The following SEC23A variants were observed in gnomAD, a reference collection of about 807,000 sequenced individuals.
The protein encoded by SEC23A is protein transport protein Sec23A.
In SEC23A, 56 loss-of-function variants were observed where a neutral mutation model predicts 103.7. The ratio of observed to expected loss-of-function variants is 0.54; its 90% CI spans 0.44 to 0.67. SEC23A has a LOEUF of 0.67. SEC23A is among the 30% of genes least tolerant of loss of function. SEC23A has a pLI of 0.00. For synonymous variants in SEC23A, 281 were observed against 293.0 expected, an observed-to-expected ratio of 0.96 and a Z score of 0.42; for missense variants, 784 against 936.4, an observed-to-expected ratio of 0.84 and a Z score of 2.12.
intron 2 of SEC23A, among the ~76,000 whole-genome samples, chr14:39,094,419 TATATATATATATATATATATATA>T (rs1887801323): frequency 1.6e-5 from 1 of 61,180 alleles, no homozygotes; most frequent in Non-Finnish European, 2.6e-5. Flanking sequence ...TATATATATA[TATATATATATATATATATATATA>T]TTTTTTTTTT....
In SEC23A at chr14:39,085,697, C is replaced by T. The variant is rs1395110456; in HGVS notation, c.828+65G>A. 65 of 1,055,444 alleles carry T rather than the reference C, an allele frequency of 6.2e-5. 1 individual carries two copies. The highest frequency in any genetic ancestry group is 7.6e-5 in the Non-Finnish European group (58 of 763,370). The allele number at this position is 1,055,444 out of a possible 1,614,324, so 65.4% of individuals were successfully genotyped here. A position where few individuals can be genotyped will look rare whatever the true frequency, so the allele number is the denominator to read the frequency against. The stretch of plus-strand genomic sequence containing the variant: ...ATCCTTATAATTATATATACACACA[C>T]ACACACACACACACACACACACACA... On this transcript the variant is annotated intron_variant, in intron 7 of 19. Transcript: ENST00000307712.
At position 39,064,902 on chromosome 14, in the gene SEC23A, A is replaced by G. The variant is rs922089317; in HGVS notation, c.1308+11T>C. On this transcript the variant is annotated intron_variant, in intron 11 of 19. Transcript: ENST00000307712. Reference sequence around the variant, plus strand: ...GTCCTGTATTTTCTTTTTAGAATAAACACAACTTACATTTTCAGACACACA... The same window carrying G: ...GTCCTGTATTTTCTTTTTAGAATAAGCACAACTTACATTTTCAGACACACA... The G allele has an allele frequency of 1.3e-6, 2 of 1,590,096 alleles. No individual in the cohort carries two copies. Among genetic ancestry groups the G allele is most frequent in the Admixed American group, 1.7e-5 (1 of 59,954 alleles).
chr14:39,062,669 GTTGTT>G (rs974241742), intron 12 of SEC23A, among the ~76,000 whole-genome samples: 6 of 151,856 alleles, frequency 4.0e-5, no homozygotes, highest in African/African-American at 1.5e-4. Flanking sequence ...GTTTTTGTGT[GTTGTT>G]TTGTTTTTGT....
chr14:39,096,639 A>ATC (rs762408282), intron 1 of SEC23A, among the ~76,000 whole-genome samples: 3 of 152,230 alleles, frequency 2.0e-5, no homozygotes, highest in African/African-American at 4.8e-5. Context: ...ACAAGGCCCA[A>ATC]TAAGAGGTAT....
At chr14:39,049,431 G>A (rs555310424) in intron 14 of SEC23A, among the ~76,000 whole-genome samples, 12 of 151,400 alleles carry the variant, frequency 7.9e-5, no homozygotes, top group South Asian at 4.2e-4. Context: ...AGCTGAGATC[G>A]TGCCACTGGA....
intron 7 of SEC23A, among the ~76,000 whole-genome samples, chr14:39,085,462 G>T (rs1594476573): frequency 6.6e-6 from 1 of 152,260 alleles, no homozygotes; most frequent in East Asian, 1.9e-4. Flanking sequence ...GCACTTAAGT[G>T]GGGGCAGTCT....
At chr14:39,074,162 T>A (rs938304298) in intron 9 of SEC23A, among the ~76,000 whole-genome samples, 1 of 152,206 alleles carries the variant, frequency 6.6e-6, no homozygotes, top group Non-Finnish European at 1.5e-5. Context: ...GCTGTTGAAG[T>A]AATAAATCAA....
At chr14:39,045,913 AC>A (rs1885817521) in intron 15 of SEC23A, among the ~76,000 whole-genome samples, 1 of 15,110 alleles carries the variant, frequency 6.6e-5, no homozygotes, top group African/African-American at 2.9e-4. Flanking sequence ...CTACATCCCC[AC>A]CCACCCACAT....
At chr14:39,060,379 T>C (rs754735575) in intron 13 of SEC23A, among the ~76,000 whole-genome samples, 1 of 152,188 alleles carries the variant, frequency 6.6e-6, no homozygotes. Flanking sequence ...GTTGTGTTCA[T>C]GTCCATCACT....
At chr14:39,085,239 A>C (rs1314573968) in intron 7 of SEC23A, among the ~76,000 whole-genome samples, 1 of 152,172 alleles carries the variant, frequency 6.6e-6, no homozygotes, top group African/African-American at 2.4e-5. Context: ...AAGCCACAGA[A>C]ATTTGGAACC....
chr14:39,055,105 G>A (rs1252602791), intron 14 of SEC23A, 38 bp downstream of exon 14: 1 of 1,610,744 alleles, frequency 6.2e-7, no homozygotes, highest in Non-Finnish European at 8.5e-7. Flanking sequence ...ACAAATGAAA[G>A]CATACAGATT....
intron 14 of SEC23A, among the ~76,000 whole-genome samples, chr14:39,052,808 T>C (rs1264843250): frequency 6.6e-6 from 1 of 152,118 alleles, no homozygotes; most frequent in Non-Finnish European, 1.5e-5. Context: ...ATTGCCAATA[T>C]GTAAAATCAC....
chr14:39,058,808 G>T (rs1886345258), intron 13 of SEC23A, among the ~76,000 whole-genome samples: 1 of 152,088 alleles, frequency 6.6e-6, no homozygotes, highest in South Asian at 2.1e-4. Context: ...TAATAGTTTG[G>T]TTTAGTGTTT....
chr14:39,102,532 TG>T (rs1888142876), intron 1 of SEC23A, among the ~76,000 whole-genome samples: 1 of 152,254 alleles, frequency 6.6e-6, no homozygotes, highest in African/African-American at 2.4e-5. Context: ...GAGATAGGGC[TG>T]GTCCTGCTGG....
intron 19 of SEC23A, among the ~76,000 whole-genome samples, chr14:39,036,320 CAAAAAAAA>C (rs59018206): frequency 0.16 from 11,321 of 70,040 alleles, 512 homozygotes; most frequent in East Asian, 0.33. Context: ...GACTCCGTCT[CAAAAAAAA>C]AAAAAAAAAA....
At chr14:39,080,071 C>T (rs986345171) in intron 7 of SEC23A, among the ~76,000 whole-genome samples, 3 of 152,034 alleles carry the variant, frequency 2.0e-5, no homozygotes, top group Non-Finnish European at 4.4e-5. Flanking sequence ...AAACTATATA[C>T]AGATACTTTC....
chr14:39,077,862 G>T (rs1038894614), intron 7 of SEC23A, among the ~76,000 whole-genome samples: 2 of 152,186 alleles, frequency 1.3e-5, no homozygotes, highest in African/African-American at 4.8e-5. Context: ...GAACCCAGGA[G>T]GTGGAGGTTG....
At chr14:39,065,309 A>G (rs748414145) in intron 10 of SEC23A, among the ~76,000 whole-genome samples, 6 of 151,930 alleles carry the variant, frequency 3.9e-5, no homozygotes, top group Non-Finnish European at 8.8e-5. Flanking sequence ...TAGACACCCT[A>G]TTCTATTTTT....
At chr14:39,095,298 CTTT>C (rs111385262) in intron 2 of SEC23A, among the ~76,000 whole-genome samples, 3 of 143,744 alleles carry the variant, frequency 2.1e-5, no homozygotes, top group Non-Finnish European at 1.5e-5. Flanking sequence ...TCAATCACAA[CTTT>C]TTTTTTTTTT....
Sources: gnomAD v4.1 joint callset for allele counts (sites outside exome capture counted in the v4.1 genomes callset) on GRCh38, gnomAD v4.1.1 for gene constraint, MANE v1.5 for transcripts, NCBI Gene and HGNC (gene_info 2026-07-23, HGNC 2026-07-21) for gene names.